The following THSD7B variants were observed in gnomAD, a reference collection of about 807,000 sequenced individuals.
The protein encoded by THSD7B is thrombospondin type-1 domain-containing protein 7B.
A neutral mutation model predicts 213.6 loss-of-function variants in THSD7B; 138 were observed. The ratio of observed to expected loss-of-function variants is 0.65; its 90% CI spans 0.56 to 0.74. The LOEUF (loss-of-function observed/expected upper bound fraction) is 0.74, where lower values mean the gene tolerates loss of function less well. Ranked by LOEUF, THSD7B falls within the 30% of genes least tolerant of loss-of-function variation. The pLI, the probability that THSD7B is intolerant of heterozygous loss-of-function variation, is 0.00. For missense variants in THSD7B, 1,931 were observed against 1,991.5 expected (o/e 0.97, Z 0.58); for synonymous variants, 742 against 687.0 (o/e 1.08, Z -1.25).
intron 12 of THSD7B, among the ~76,000 whole-genome samples, chr2:137,299,791 A>AT (rs1409405374): frequency 6.6e-6 from 1 of 152,096 alleles, no homozygotes; most frequent in Non-Finnish European, 1.5e-5. Context: ...TGTACCATGG[A>AT]TTTTTCTCTA....
intron 3 of THSD7B, among the ~76,000 whole-genome samples, chr2:137,066,364 T>C (rs1008077973): frequency 1.3e-5 from 2 of 151,974 alleles, no homozygotes; most frequent in Non-Finnish European, 2.9e-5. Flanking sequence ...GCTAATTTTT[T>C]TGTATTTTTA....
Position 137,386,731 on chromosome 2 carries a change from G to A in THSD7B, c.2501-18882G>A, listed in dbSNP as rs1039647541. On this transcript the variant is annotated intron_variant, in intron 12 of 27. Coordinates refer to ENST00000409968, the MANE Select transcript of THSD7B (RefSeq NM_001316349.2). Reference sequence around the variant, plus strand: ...CTCTTCATCTCATAATTGAAAAGAAGCAAAACTTATCACTGCATGTCTGAC... The same window carrying A: ...CTCTTCATCTCATAATTGAAAAGAAACAAAACTTATCACTGCATGTCTGAC... 1.0e-3 allele frequency among the ~76,000 whole-genome samples: 157 copies of A among 152,206 alleles called. 1 individual carries two copies. Among genetic ancestry groups the A allele is most frequent in the East Asian group, 2.5e-3 (13 of 5,168 alleles).
chr2:137,545,264 C>T, intron 15 of THSD7B, among the ~76,000 whole-genome samples: 1 of 151,768 alleles, frequency 6.6e-6, no homozygotes. Context: ...AGTTCATATA[C>T]CATTGCTGTA....
intron 1 of THSD7B, among the ~76,000 whole-genome samples, chr2:136,864,635 C>A (rs1434233553): frequency 2.0e-5 from 3 of 152,090 alleles, no homozygotes; most frequent in Non-Finnish European, 4.4e-5. Context: ...TCACTGCAAG[C>A]TCCACCTCCC....
intron 1 of THSD7B, among the ~76,000 whole-genome samples, chr2:136,816,373 A>T (rs897638799): frequency 3.9e-5 from 6 of 152,176 alleles, no homozygotes; most frequent in African/African-American, 1.4e-4. Context: ...AGTGGAGAAT[A>T]TTCTGCTTCT....
chr2:136,817,012 G>T (rs1682485184), intron 1 of THSD7B, among the ~76,000 whole-genome samples: 1 of 152,132 alleles, frequency 6.6e-6, no homozygotes, highest in African/African-American at 2.4e-5. Context: ...CAACAGAAAG[G>T]TTAGAGTAGA....
Position 137,659,724 on chromosome 2 carries a change from A to G in THSD7B, c.4436A>G (p.Lys1479Arg). The change falls in exon 25 of 28, where the codon AAA becomes AGA. Residue 1479 changes from lysine to arginine, a missense_variant. Physicochemically the swap from Lys to Arg is conservative, Grantham distance 26 (BLOSUM62 2). Transcript: ENST00000409968. ...CGGCAGTGCATTCCAGCCTGCAGAAAACCTTTCTCCTACTGTACACAGGTG... is the reference window on the plus strand; with the variant it reads ...CGGCAGTGCATTCCAGCCTGCAGAAGACCTTTCTCCTACTGTACACAGGTG... Reference protein sequence around the residue: ...AIRQCIPACRKPFSYCTQGGV... With the variant: ...AIRQCIPACRRPFSYCTQGGV... 5.6e-6 allele frequency: 9 copies of G among 1,604,138 alleles called. No individual in the cohort carries two copies. The highest frequency in any genetic ancestry group is 7.7e-6 in the Non-Finnish European group (9 of 1,175,082).
intron 10 of THSD7B, among the ~76,000 whole-genome samples, chr2:137,251,049 A>G (rs1682164282): frequency 6.6e-6 from 1 of 152,180 alleles, no homozygotes; most frequent in African/African-American, 2.4e-5. Context: ...TGCCCTTTTC[A>G]GTTTTCAGTC....
chr2:137,560,538 A>T (rs1681089627), intron 15 of THSD7B, among the ~76,000 whole-genome samples: 1 of 151,980 alleles, frequency 6.6e-6, no homozygotes, highest in Non-Finnish European at 1.5e-5. Context: ...CAGGAGGGGG[A>T]ACATCACACA....
intron 1 of THSD7B, among the ~76,000 whole-genome samples, chr2:136,784,215 T>C (rs1202418678): frequency 2.0e-5 from 3 of 152,246 alleles, no homozygotes; most frequent in African/African-American, 4.8e-5. Flanking sequence ...ATTATATTTC[T>C]AGCTGAATAT....
intron 2 of THSD7B, among the ~76,000 whole-genome samples, chr2:137,054,447 C>T (rs1267217244): frequency 6.6e-6 from 1 of 152,202 alleles, no homozygotes; most frequent in East Asian, 1.9e-4. Context: ...TGCATTAGAA[C>T]CGGACCCTTT....
chr2:137,392,339 G>C (rs1344633127), intron 12 of THSD7B, among the ~76,000 whole-genome samples: 1 of 152,158 alleles, frequency 6.6e-6, no homozygotes, highest in Non-Finnish European at 1.5e-5. Context: ...AATGCTGTGA[G>C]TAGGATGTTT....
intron 17 of THSD7B, among the ~76,000 whole-genome samples, chr2:137,575,893 C>A (rs2105239128): frequency 6.6e-6 from 1 of 151,994 alleles, no homozygotes; most frequent in East Asian, 1.9e-4. Context: ...TACATGCATA[C>A]ACATACAAAT....
chr2:137,193,695 G>C (rs987889021), intron 7 of THSD7B, among the ~76,000 whole-genome samples: 7 of 152,020 alleles, frequency 4.6e-5, no homozygotes, highest in African/African-American at 1.7e-4. Flanking sequence ...TTCTGTATGG[G>C]AGCAGTTCCC....
At chr2:137,137,477 T>C (rs1412777641) in intron 5 of THSD7B, among the ~76,000 whole-genome samples, 1 of 152,222 alleles carries the variant, frequency 6.6e-6, no homozygotes, top group East Asian at 1.9e-4. Flanking sequence ...TACTGTACTT[T>C]CTGCTAAACT....
chr2:137,151,231 TAAAAC>T (rs1271236624), intron 5 of THSD7B, among the ~76,000 whole-genome samples: 1 of 152,236 alleles, frequency 6.6e-6, no homozygotes, highest in Non-Finnish European at 1.5e-5. Flanking sequence ...ACACTTAGCT[TAAAAC>T]AAAAACAGTT....
At chr2:137,365,551 A>G (rs1323764728) in intron 12 of THSD7B, among the ~76,000 whole-genome samples, 1 of 151,834 alleles carries the variant, frequency 6.6e-6, no homozygotes, top group African/African-American at 2.4e-5. Context: ...ACAAGAAAAA[A>G]TCAAACAACC....
chr2:137,531,986 C>G (rs954964740), intron 15 of THSD7B, among the ~76,000 whole-genome samples: 5 of 151,950 alleles, frequency 3.3e-5, no homozygotes, highest in Admixed American at 1.3e-4. Flanking sequence ...ACAATATAAA[C>G]AGAGAGAGTG....
chr2:137,332,857 C>T (rs1684547267), intron 12 of THSD7B, among the ~76,000 whole-genome samples: 1 of 152,202 alleles, frequency 6.6e-6, no homozygotes, highest in Non-Finnish European at 1.5e-5. Flanking sequence ...TGTAAGTTTC[C>T]TGAGGCCTCC....
Sources: allele counts gnomAD v4.1 joint callset (sites outside exome capture counted in the v4.1 genomes callset), GRCh38; gene constraint gnomAD v4.1.1; transcripts MANE v1.5; gene names NCBI Gene and HGNC (gene_info 2026-07-23, HGNC 2026-07-21).